Variants in NACC2 observed in about 807,000 individuals in gnomAD.
NACC2 encodes nucleus accumbens-associated protein 2.
A neutral mutation model predicts 25.1 loss-of-function variants in NACC2; 8 were observed. The observed-to-expected ratio is 0.32, with a 90% CI of 0.19 to 0.57. The LOEUF is 0.57. NACC2 is among the 20% of genes least tolerant of loss of function. The probability of loss-of-function intolerance (pLI) is 0.89; values close to 1 mark genes in which losing one functional copy is unlikely to be tolerated. For synonymous variants in NACC2, 435 were observed against 294.7 expected (o/e 1.48, Z -4.88); for missense variants, 644 against 650.2 (o/e 0.99, Z 0.10).
chr9:136,064,376 T>C (rs1489941071), intron 1 of NACC2, among the ~76,000 whole-genome samples: 1 of 135,308 alleles, frequency 7.4e-6, no homozygotes. Context: ...AAACTCAGTA[T>C]ACAAAAATCA....
Position 136,013,169 on chromosome 9 carries a change from C to CCCCCCCCCCCA in NACC2, c.1255+29_1255+30insTGGGGGGGGGG. On this transcript the variant is annotated intron_variant, in intron 5 of 5. Coordinates refer to ENST00000277554, the MANE Select transcript of NACC2 (RefSeq NM_144653.5). This position sits in a 1 kb window ranked among gnomAD's most constrained non-coding sequence, Gnocchi z 6.6. ...TGGGATCTGAACCCAGCCCCGGCCC[C>CCCCCCCCCCCA]ACCCACCCGAGAGACCCCCAGGCTC... The CCCCCCCCCCCA allele has an allele frequency of 9.3e-7, 1 of 1,077,570 alleles. No homozygotes were observed. 66.8% of individuals were successfully genotyped at this position (1,077,570 alleles called of 1,614,324 possible).
In NACC2 at chr9:136,011,430, TA is replaced by T. The variant is rs1840104107; in HGVS notation, c.*85del. 3 of 1,255,820 alleles carry T rather than the reference TA, an allele frequency of 2.4e-6. No homozygotes were observed. The South Asian group carries it at 9.6e-5, about 40-fold the overall frequency. The allele number at this position is 1,255,820 out of a possible 1,614,324, so 77.8% of individuals were successfully genotyped here. ...CAGGCAACAGTAGCAGTTCAGTAGG[TA>T]AGTGGCTTGATCACATTTGTTTGTA... On this transcript the variant is annotated 3_prime_UTR_variant, in exon 6 of 6. Coordinates refer to ENST00000277554, the MANE Select transcript of NACC2 (RefSeq NM_144653.5).
At chr9:136,088,921 TA>T (rs1830406569) in intron 1 of NACC2, among the ~76,000 whole-genome samples, 2 of 152,240 alleles carry the variant, frequency 1.3e-5, no homozygotes. Flanking sequence ...GCAATTTGCA[TA>T]ATATTCTTTG....
chr9:136,086,947 T>C lies in NACC2; in HGVS notation c.-60+8242A>G, dbSNP rs1830384568. ...GTTCGCATCTACCTGACCCTTTGAA[T>C]GCGGCCTTATTTGGAAACAGGGTCT... On this transcript the variant is annotated intron_variant, in intron 1 of 5. Transcript: ENST00000277554. This position sits in a 1 kb window ranked among gnomAD's most constrained non-coding sequence, Gnocchi z 5.6. 6.6e-6 allele frequency among the ~76,000 whole-genome samples: 1 copy of C among 152,246 alleles called. No homozygotes were observed. The highest frequency in any genetic ancestry group is 2.1e-4 in the South Asian group (1 of 4,834).
At position 136,091,044 on chromosome 9, in the gene NACC2, G is replaced by T. The variant is rs541483392; in HGVS notation, c.-60+4145C>A. 1.0e-3 allele frequency among the ~76,000 whole-genome samples: 158 copies of T among 152,340 alleles called. 1 individual carries two copies. The highest frequency in any genetic ancestry group is 3.5e-3 in the African/African-American group (145 of 41,590). The stretch of plus-strand genomic sequence containing the variant: ...CAGGGCCCCGCACTGGGGGAGGGGA[G>T]ATTCCTTTAGAGAGACCCGGAGCCA... On this transcript the variant is annotated intron_variant, in intron 1 of 5. Transcript: ENST00000277554.
intron 1 of NACC2, among the ~76,000 whole-genome samples, chr9:136,058,626 G>T (rs562981408): frequency 3.5e-4 from 53 of 152,242 alleles, no homozygotes; most frequent in African/African-American, 1.2e-3. Context: ...TAACCCACCG[G>T]GTACCATGCT....
At chr9:136,082,979 G>A (rs1487399603) in intron 1 of NACC2, among the ~76,000 whole-genome samples, 6 of 152,218 alleles carry the variant, frequency 3.9e-5, no homozygotes, top group Non-Finnish European at 5.9e-5. Flanking sequence ...GGAAGACGCC[G>A]TGTTTTACGG....
rs903030568 is a variant in NACC2, at chr9:136,018,630, A to G, written c.887-2201T>C. On this transcript the variant is annotated intron_variant, in intron 2 of 5. Coordinates refer to ENST00000277554, the MANE Select transcript of NACC2 (RefSeq NM_144653.5). This position sits in a 1 kb window ranked among gnomAD's most constrained non-coding sequence, Gnocchi z 4.4. Reference sequence around the variant, plus strand: ...GACACCCAAGCAGAGGCTGCAACAGAACAGAGGCCAGAAAGGGGGCCTCAA... The same window carrying G: ...GACACCCAAGCAGAGGCTGCAACAGGACAGAGGCCAGAAAGGGGGCCTCAA... 2.6e-5 allele frequency among the ~76,000 whole-genome samples: 4 copies of G among 151,952 alleles called. No homozygotes were observed. In the South Asian group the frequency reaches 6.2e-4, roughly 24 times the overall value.
chr9:136,051,315 G>T (rs1588572283), intron 1 of NACC2, among the ~76,000 whole-genome samples: 1 of 152,208 alleles, frequency 6.6e-6, no homozygotes, highest in Admixed American at 6.5e-5. Flanking sequence ...GCCGCCGCCA[G>T]GGCAGGAGTT....
intron 2 of NACC2, among the ~76,000 whole-genome samples, chr9:136,034,164 A>G (rs1840518143): frequency 6.6e-6 from 1 of 152,186 alleles, no homozygotes; most frequent in Non-Finnish European, 1.5e-5. Flanking sequence ...CTCCTGATAC[A>G]CAGCAAAGGG....
rs1840233587 is a variant in NACC2 at position 136,018,309 on chromosome 9, C to A, written c.887-1880G>T. 1.3e-5 allele frequency among the ~76,000 whole-genome samples: 2 copies of A among 152,032 alleles called. No individual in the cohort carries two copies. The highest frequency in any genetic ancestry group is 1.3e-4 in the Admixed American group (2 of 15,276). ...CTGCTGGGGAGCAGCCTGAGGAGGG[C>A]AGGAGGCAGGGAGGGTCCCAGAGTC... On this transcript the variant is annotated intron_variant, in intron 2 of 5. Transcript: ENST00000277554. This position sits in a 1 kb window ranked among gnomAD's most constrained non-coding sequence, Gnocchi z 4.4.
intron 1 of NACC2, among the ~76,000 whole-genome samples, chr9:136,074,795 C>T (rs1307018907): frequency 1.3e-5 from 2 of 152,092 alleles, no homozygotes; most frequent in African/African-American, 4.8e-5. Context: ...CTGTTCCCAG[C>T]TCACCTGCGG....
chr9:136,015,096 A>G (rs1362345378), intron 3 of NACC2, among the ~76,000 whole-genome samples: 3 of 152,072 alleles, frequency 2.0e-5, no homozygotes, highest in African/African-American at 7.2e-5. Flanking sequence ...CCTTCCTGCC[A>G]GGGTCTGGGC....
chr9:136,067,699 G>A (rs1466709418), intron 1 of NACC2, among the ~76,000 whole-genome samples: 4 of 152,226 alleles, frequency 2.6e-5, no homozygotes, highest in African/African-American at 9.6e-5. Flanking sequence ...GCCGAGCGTG[G>A]TGGCGGGCAC....
Position 136,069,158 on chromosome 9 carries a change from G to A in NACC2, c.-59-18578C>T, listed in dbSNP as rs9792601. Among the ~76,000 whole-genome samples the A allele has an allele frequency of 4.3e-3, 627 of 146,704 alleles. 18 individuals are homozygous for A. The highest frequency in any genetic ancestry group is 0.015 in the African/African-American group (560 of 36,600). ...CCTGACCTTGTGATCTGCCCGCCTC[G>A]GCCTCCCAAAGTGCTGGGATCATAG... is the stretch of plus-strand genomic sequence containing the variant. On this transcript the variant is annotated intron_variant, in intron 1 of 5. Coordinates refer to ENST00000277554, the MANE Select transcript of NACC2 (RefSeq NM_144653.5).
At chr9:136,083,043 T>A (rs7468351) in intron 1 of NACC2, among the ~76,000 whole-genome samples, 1 of 152,068 alleles carries the variant, frequency 6.6e-6, no homozygotes, top group Non-Finnish European at 1.5e-5. Context: ...AGCGACCAGA[T>A]TGATCTCCTG....
intron 2 of NACC2, among the ~76,000 whole-genome samples, chr9:136,029,311 A>T (rs1437583491): frequency 6.6e-6 from 1 of 152,148 alleles, no homozygotes; most frequent in African/African-American, 2.4e-5. Flanking sequence ...AGAGCTGAGC[A>T]GATGTTGAGG....
In NACC2 at chr9:136,011,729, G is replaced by A; in HGVS notation, c.1551C>T (p.Asp517=). 6.5e-7 allele frequency: 1 copy of A among 1,535,316 alleles called. No homozygotes were observed. Among genetic ancestry groups the A allele is most frequent in the African/African-American group, 1.4e-5 (1 of 71,848 alleles). Reference sequence around the variant, plus strand: ...AGGCGGGGTTGGCGGCGGCACTCAGGTCAACATTCACGGCGTCAGTTCTCA... The same window carrying A: ...AGGCGGGGTTGGCGGCGGCACTCAGATCAACATTCACGGCGTCAGTTCTCA... ...VALRTDAVNV[D]LSAAANPAFD... Residue 517 remains aspartate, a synonymous_variant, in exon 6 of 6, where the codon GAC becomes GAT. Transcript: ENST00000277554.
chr9:136,059,139 C>G (rs1840972444), intron 1 of NACC2, among the ~76,000 whole-genome samples: 1 of 152,238 alleles, frequency 6.6e-6, no homozygotes, highest in Admixed American at 6.5e-5. Context: ...CACAGGGTCC[C>G]TGGAGATGAA....
Sources: allele counts gnomAD v4.1 joint callset (sites outside exome capture counted in the v4.1 genomes callset), GRCh38; gene constraint gnomAD v4.1.1; non-coding constraint Gnocchi (gnomAD v3.1); transcripts MANE v1.5; gene names NCBI Gene and HGNC (gene_info 2026-07-23, HGNC 2026-07-21).